IKZF3: variants seen among roughly 807,000 people sequenced by gnomAD.
IKZF3 encodes the protein IKAROS family zinc finger 3.
In IKZF3, 10 loss-of-function variants were observed where a neutral mutation model predicts 49.0. The ratio of observed to expected loss-of-function variants is 0.20; its 90% CI spans 0.13 to 0.35. IKZF3 has a LOEUF of 0.35. Ranked by LOEUF, IKZF3 falls within the 10% of genes least tolerant of loss-of-function variation. The pLI is 1.00. For missense variants in IKZF3, 498 were observed against 664.8 expected, an observed-to-expected ratio of 0.75 and a Z score of 2.76; for synonymous variants, 209 against 228.2, an observed-to-expected ratio of 0.92 and a Z score of 0.76.
chr17:39,827,134 A>G (rs1409501956), intron 3 of IKZF3, among the ~76,000 whole-genome samples: 1 of 152,104 alleles, frequency 6.6e-6, no homozygotes, highest in Non-Finnish European at 1.5e-5. Flanking sequence ...AGTAGCTGGG[A>G]TTACACGTGA....
At position 39,841,542 on chromosome 17, in the gene IKZF3, T is replaced by A. The variant is rs531074500; in HGVS notation, c.8-9391A>T. 3.3e-5 allele frequency among the ~76,000 whole-genome samples: 5 copies of A among 151,290 alleles called. No individual in the cohort carries two copies. The East Asian group carries it at 9.7e-4, about 29-fold the overall frequency. ...TACGGGATTATCAAAACCAAATGAG[T>A]CAAGCAGAGCAACTGTGCTGAGTAG... On this transcript the variant is annotated intron_variant, in intron 1 of 7. Transcript: ENST00000346872.
intron 7 of IKZF3, among the ~76,000 whole-genome samples, chr17:39,777,332 G>T (rs543690956): frequency 1.2e-4 from 18 of 152,216 alleles, no homozygotes; most frequent in African/African-American, 4.1e-4. Flanking sequence ...ACATCTTACT[G>T]GTATAAATTG....
At chr17:39,831,199 T>TG (rs2062098677) in intron 2 of IKZF3, among the ~76,000 whole-genome samples, 1 of 151,948 alleles carries the variant, frequency 6.6e-6, no homozygotes, top group Admixed American at 6.6e-5. Flanking sequence ...CTGACCAACG[T>TG]GGTGAAACCC....
chr17:39,850,643 A>ATAGTATATAT (rs2062806831), intron 1 of IKZF3, among the ~76,000 whole-genome samples: 2 of 2,430 alleles, frequency 8.2e-4, no homozygotes, highest in Non-Finnish European at 2.2e-3. Flanking sequence ...TAGCATAAAT[A>ATAGTATATAT]ACATATAGTA....
At chr17:39,836,074 G>T in intron 1 of IKZF3, 1 of 657,370 alleles carries the variant, frequency 1.5e-6, no homozygotes, top group Non-Finnish European at 2.8e-6. Flanking sequence ...TGCTGCTTCA[G>T]GAACCGCGAT....
At position 39,820,014 on chromosome 17, in the gene IKZF3, A is replaced by G. The variant is rs531146341; in HGVS notation, c.163+9373T>C. Among the ~76,000 whole-genome samples the G allele has an allele frequency of 2.0e-5, 3 of 152,278 alleles. No individual in the cohort carries two copies. The South Asian group carries it at 6.2e-4, about 32-fold the overall frequency. ...TCCTTTAAGAAACTCATGTATACACACATATAACTGACCTAGGGCTTTCAT... is the reference window on the plus strand; with the variant it reads ...TCCTTTAAGAAACTCATGTATACACGCATATAACTGACCTAGGGCTTTCAT... On this transcript the variant is annotated intron_variant, in intron 3 of 7. Transcript: ENST00000346872.
At chr17:39,775,203 C>T (rs952878248) in intron 7 of IKZF3, among the ~76,000 whole-genome samples, 8 of 147,752 alleles carry the variant, frequency 5.4e-5, no homozygotes, top group African/African-American at 1.5e-4. Context: ...ACACAACTTA[C>T]GAAAAAAAAA....
At chr17:39,856,015 T>C (rs1187691669) in intron 1 of IKZF3, among the ~76,000 whole-genome samples, 1 of 148,300 alleles carries the variant, frequency 6.7e-6, no homozygotes, top group African/African-American at 2.6e-5. Flanking sequence ...ATATAACATG[T>C]ATATTGTATA....
chr17:39,775,664 C>T (rs1446053172), intron 7 of IKZF3, among the ~76,000 whole-genome samples: 1 of 152,178 alleles, frequency 6.6e-6, no homozygotes, highest in South Asian at 2.1e-4. Flanking sequence ...GTGGCTCACG[C>T]CTGTAATCCC....
At chr17:39,860,542 A>G (rs2011185) in intron 1 of IKZF3, among the ~76,000 whole-genome samples, 4 of 152,216 alleles carry the variant, frequency 2.6e-5, no homozygotes, top group African/African-American at 9.7e-5. Context: ...AAAAAGAATG[A>G]AATCATATCC....
intron 1 of IKZF3, among the ~76,000 whole-genome samples, chr17:39,853,248 C>T (rs927349533): frequency 1.3e-5 from 2 of 152,108 alleles, no homozygotes; most frequent in Admixed American, 6.5e-5. Context: ...CAGTATTTTG[C>T]ATATGTGACA....
intron 1 of IKZF3, among the ~76,000 whole-genome samples, chr17:39,855,966 T>C (rs922846434): frequency 4.0e-5 from 6 of 151,316 alleles, no homozygotes; most frequent in African/African-American, 1.5e-4. Flanking sequence ...CAATGTATAT[T>C]GTATATGTAC....
At chr17:39,862,840 T>C (rs1323483474) in intron 1 of IKZF3, among the ~76,000 whole-genome samples, 1 of 152,130 alleles carries the variant, frequency 6.6e-6, no homozygotes, top group Non-Finnish European at 1.5e-5. Context: ...ACCTAAGATA[T>C]GCTATTTAGT....
At position 39,780,690 on chromosome 17, in the gene IKZF3, C is replaced by G. The variant is rs182065196; in HGVS notation, c.710-2923G>C. On this transcript the variant is annotated intron_variant, in intron 6 of 7. Coordinates refer to ENST00000346872, the MANE Select transcript of IKZF3 (RefSeq NM_012481.5). ...AGCTTTTTTTTTTTTCCTGGAATAA[C>G]ATAAAATCTGGCTCTGCCAGGTGTG... Among the ~76,000 whole-genome samples, 230 of 151,016 alleles carry G rather than the reference C, an allele frequency of 1.5e-3. 1 individual carries two copies. The highest frequency in any genetic ancestry group is 2.6e-3 in the Non-Finnish European group (176 of 67,760).
At position 39,824,719 on chromosome 17, in the gene IKZF3, G is replaced by A. The variant is rs576385923; in HGVS notation, c.163+4668C>T. Among the ~76,000 whole-genome samples the A allele has an allele frequency of 5.3e-5, 8 of 150,542 alleles. No homozygotes were observed. In the East Asian group the frequency reaches 7.8e-4, roughly 15 times the overall value. Reference sequence around the variant, plus strand: ...TTTTTTTTTTTTTTCCTTTTGAGACGGAGTCTCGCTTTGTCACCCAGGCTG... The same window carrying A: ...TTTTTTTTTTTTTTCCTTTTGAGACAGAGTCTCGCTTTGTCACCCAGGCTG... On this transcript the variant is annotated intron_variant, in intron 3 of 7. Coordinates refer to ENST00000346872, the MANE Select transcript of IKZF3 (RefSeq NM_012481.5).
chr17:39,850,012 T>TGG (rs1244033548), intron 1 of IKZF3, among the ~76,000 whole-genome samples: 6 of 143,336 alleles, frequency 4.2e-5, no homozygotes, highest in African/African-American at 1.3e-4. Flanking sequence ...ATGGTATTCC[T>TGG]GGGGGTGTGT....
intron 1 of IKZF3, among the ~76,000 whole-genome samples, chr17:39,859,810 A>AT (rs1372305530): frequency 1.3e-5 from 2 of 152,222 alleles, no homozygotes; most frequent in Admixed American, 1.3e-4. Context: ...TTTCAAAATA[A>AT]TTAATGAATC....
Position 39,763,638 on chromosome 17 carries a change from T to C in IKZF3, c.*2152A>G, listed in dbSNP as rs1334328506. The stretch of plus-strand genomic sequence containing the variant: ...ACAACTCAGTGGTTAAAGGAAAAAC[T>C]TAACACACCATTTTCATACCAAAGG... On this transcript the variant is annotated 3_prime_UTR_variant, in exon 8 of 8. Transcript: ENST00000346872. 4 of 152,224 alleles carry C rather than the reference T, an allele frequency of 2.6e-5. No individual in the cohort carries two copies. Among genetic ancestry groups the C allele is most frequent in the Non-Finnish European group, 5.9e-5 (4 of 68,048 alleles). The allele number at this position is 152,224 out of a possible 1,614,324, so 9.4% of individuals were successfully genotyped here.
At chr17:39,828,152 A>G (rs760558670) in intron 3 of IKZF3, among the ~76,000 whole-genome samples, 1 of 152,234 alleles carries the variant, frequency 6.6e-6, no homozygotes, top group South Asian at 2.1e-4. Flanking sequence ...TTTCTAAAGC[A>G]AGAAAGTGTA....
Sources: gnomAD v4.1 joint callset for allele counts (sites outside exome capture counted in the v4.1 genomes callset) on GRCh38, gnomAD v4.1.1 for gene constraint, MANE v1.5 for transcripts, NCBI Gene and HGNC (gene_info 2026-07-23, HGNC 2026-07-21) for gene names.